FAN1: variants seen among roughly 807,000 people sequenced by gnomAD.
The protein encoded by FAN1 is fanconi-associated nuclease 1.
A neutral mutation model predicts 104.9 loss-of-function variants in FAN1; 91 were observed. That is an observed-to-expected ratio of 0.87 (90% CI 0.73 to 1.03). FAN1 has a LOEUF of 1.03. FAN1 is among the 50% of genes least tolerant of loss of function. FAN1 has a pLI of 0.00. For synonymous variants in FAN1, 478 were observed against 457.6 expected (o/e 1.04, Z -0.57); for missense variants, 1,263 against 1,239.9 (o/e 1.02, Z -0.28).
At chr15:30,937,041 A>T in intron 13 of FAN1, 78 bp from the exon 14 acceptor site, 2 of 1,169,500 alleles carry the variant, frequency 1.7e-6, no homozygotes, top group Non-Finnish European at 2.5e-6. Context: ...AATAGTTGTC[A>T]GTGACAACTA....
In FAN1 at chr15:30,930,497, C is replaced by T. The variant is rs753868531; in HGVS notation, c.2788-46C>T. 3.2e-6 allele frequency: 5 copies of T among 1,553,664 alleles called. 1 individual carries two copies. The South Asian group carries it at 6.2e-5, about 19-fold the overall frequency. On this transcript the variant is annotated intron_variant, in intron 12 of 14. Transcript: ENST00000362065. ...GTGATCCCTGGAGCCTATTTCCATT[C>T]TCTGTCACGAGGGAAGTGGCTAACT...
At chr15:30,913,149 C>G (rs1307667112) in intron 4 of FAN1, among the ~76,000 whole-genome samples, 4 of 152,226 alleles carry the variant, frequency 2.6e-5, no homozygotes, top group Admixed American at 6.5e-5. Flanking sequence ...GCATGACCGC[C>G]TGAGCTTTGC....
rs976268500 is a variant in FAN1 at position 30,929,585 on chromosome 15, TATATA to T, written c.2787+189_2787+193del. Among the ~76,000 whole-genome samples, 5 of 125,962 alleles carry T rather than the reference TATATA, an allele frequency of 4.0e-5. 1 individual carries two copies. The highest frequency in any genetic ancestry group is 1.2e-4 in the African/African-American group (4 of 33,270). The allele number at this position is 125,962 out of a possible 152,430, so 82.6% of individuals were successfully genotyped here. On this transcript the variant is annotated intron_variant, in intron 12 of 14. Coordinates refer to ENST00000362065, the MANE Select transcript of FAN1 (RefSeq NM_014967.5). ...TATATCTTTATTATATTTATTATAT[TATATA>T]TTATATATTACATATTACATATATA...
intron 2 of FAN1, among the ~76,000 whole-genome samples, chr15:30,906,197 T>G (rs1217645452): frequency 6.6e-6 from 1 of 152,244 alleles, no homozygotes; most frequent in Non-Finnish European, 1.5e-5. Context: ...CTTTTCCAGA[T>G]TAAAAAACAA....
Position 30,942,925 on chromosome 15 carries a change from GTA to G in FAN1, c.*1366_*1367del. On this transcript the variant is annotated 3_prime_UTR_variant, in exon 15 of 15. Coordinates refer to ENST00000362065, the MANE Select transcript of FAN1 (RefSeq NM_014967.5). ...TTAAAAGACTTCACGGAGCCATTCT[GTA>G]TACAAGGTGTGCTCTTTCCAATGTA... The G allele has an allele frequency of 6.4e-7, 1 of 1,568,528 alleles. No individual in the cohort carries two copies. Among genetic ancestry groups the G allele is most frequent in the Non-Finnish European group, 8.7e-7 (1 of 1,154,460 alleles).
chr15:30,931,929 A>C (rs1002493245), intron 13 of FAN1, among the ~76,000 whole-genome samples: 1 of 151,836 alleles, frequency 6.6e-6, no homozygotes, highest in African/African-American at 2.4e-5. Flanking sequence ...AAGAAAAAAA[A>C]AAGCCAGCTG....
intron 13 of FAN1, among the ~76,000 whole-genome samples, chr15:30,932,546 T>C (rs1345637847): frequency 6.6e-6 from 1 of 151,952 alleles, no homozygotes; most frequent in Non-Finnish European, 1.5e-5. Flanking sequence ...GGCCTGGAGA[T>C]TTTGGGGGGA....
rs781478851 is a variant in FAN1, at chr15:30,905,663, A to G, written c.1000A>G (p.Ser334Gly). The change falls in exon 2 of 15, where the codon AGT (serine) becomes GGT (glycine). Residue 334 changes from serine to glycine, a missense_variant. Ser to Gly is a moderately conservative substitution (Grantham distance 56). Around this residue, in one of 2 missense-constraint regions of FAN1, gnomAD observed 682 missense variants for 571.1 expected, o/e 1.19. Transcript: ENST00000362065. Reference sequence around the variant, plus strand: ...TTCTGCAGATGATGCTTCTGCATGGAGTAACATCCAAGAGGCTCCTCTGCA... The same window carrying G: ...TTCTGCAGATGATGCTTCTGCATGGGGTAACATCCAAGAGGCTCCTCTGCA... Reference protein sequence around the residue: ...HSSADDASAWSNIQEAPLQDD... With the variant: ...HSSADDASAWGNIQEAPLQDD... 2.1e-5 allele frequency: 34 copies of G among 1,614,108 alleles called. No individual in the cohort carries two copies. Among genetic ancestry groups the G allele is most frequent in the Non-Finnish European group, 2.8e-5 (33 of 1,179,942 alleles).
intron 6 of FAN1, 143 bp from the exon 7 acceptor site, chr15:30,920,402 G>A: frequency 3.2e-6 from 2 of 615,730 alleles, no homozygotes; most frequent in Non-Finnish European, 5.6e-6. Flanking sequence ...TAGGTTTGTG[G>A]TGTAGAAAAT....
intron 12 of FAN1, among the ~76,000 whole-genome samples, chr15:30,930,171 T>C (rs1876934621): frequency 6.6e-6 from 1 of 151,536 alleles, no homozygotes. Flanking sequence ...AGCTTTCTTT[T>C]GCTTGCCCTG....
At chr15:30,914,119 T>C in intron 5 of FAN1, 28 bp downstream of exon 5, 3 of 1,438,810 alleles carry the variant, frequency 2.1e-6, no homozygotes, top group Non-Finnish European at 2.9e-6. Context: ...CACTATAATG[T>C]CTATATGTGT....
chr15:30,939,955 C>G, intron 14 of FAN1: 7 of 983,810 alleles, frequency 7.1e-6, no homozygotes, highest in Non-Finnish European at 8.4e-6. Flanking sequence ...AACTCCTGTC[C>G]TGTTATATCC....
chr15:30,933,820 G>A (rs1236800343), intron 13 of FAN1, among the ~76,000 whole-genome samples: 6 of 151,852 alleles, frequency 4.0e-5, no homozygotes, highest in African/African-American at 1.5e-4. Flanking sequence ...TGTAGTGGCA[G>A]TGCGATCCTG....
At chr15:30,927,910 A>G (rs1236495607) in intron 10 of FAN1, 2 of 985,624 alleles carry the variant, frequency 2.0e-6, no homozygotes, top group Admixed American at 6.1e-5. Flanking sequence ...CTCTCAGGTC[A>G]TCTCCCAGTC....
Position 30,929,349 on chromosome 15 carries a change from G to A in FAN1, c.2739G>A (p.Val913=), listed in dbSNP as rs1178336162. 2.5e-6 allele frequency: 4 copies of A among 1,611,622 alleles called. No individual in the cohort carries two copies. The highest frequency in any genetic ancestry group is 3.4e-6 in the Non-Finnish European group (4 of 1,179,006). ...CGTGGCATGAGCAGGAAGGCAGAGT[G>A]GCTTCCCTTGTCAGCTGGGATCGCT... ...AATWHEQEGR[V]ASLVSWDRFT... Residue 913 remains valine, a synonymous_variant, in exon 12 of 15, where the codon GTG becomes GTA. Transcript: ENST00000362065.
intron 3 of FAN1, among the ~76,000 whole-genome samples, chr15:30,910,203 T>A (rs1566912233): frequency 6.6e-6 from 1 of 152,164 alleles, no homozygotes; most frequent in Non-Finnish European, 1.5e-5. Flanking sequence ...GAATGCCGAG[T>A]GAGCAGGAGA....
chr15:30,939,146 A>G (rs543089319), intron 14 of FAN1: 22 of 985,398 alleles, frequency 2.2e-5, no homozygotes, highest in Middle Eastern at 5.2e-4. Context: ...ACAAATGTGA[A>G]CAGCTTTCAC....
At chr15:30,935,750 A>G (rs1430338545) in intron 13 of FAN1, among the ~76,000 whole-genome samples, 4 of 151,840 alleles carry the variant, frequency 2.6e-5, no homozygotes, top group Non-Finnish European at 5.9e-5. Flanking sequence ...TCTCCGTGCA[A>G]TGAATTTTAT....
chr15:30,940,896 A>AAGTT (rs1186915547), intron 14 of FAN1: 4 of 1,023,918 alleles, frequency 3.9e-6, no homozygotes, highest in African/African-American at 1.7e-5. Flanking sequence ...TGACCCTATG[A>AAGTT]AGTTAAAAGC....
Sources: gnomAD v4.1 joint callset for allele counts (sites outside exome capture counted in the v4.1 genomes callset) on GRCh38, gnomAD v4.1.1 for gene constraint, gnomAD v4.1.1 regional missense constraint, MANE v1.5 for transcripts, NCBI Gene and HGNC (gene_info 2026-07-23, HGNC 2026-07-21) for gene names.